PNPLA6: variants seen among roughly 807,000 people sequenced by gnomAD.
The protein encoded by PNPLA6 is patatin like domain 6, lysophospholipase, also known as patatin-like phospholipase domain-containing protein 6.
A neutral mutation model predicts 153.7 loss-of-function variants in PNPLA6; 105 were observed. The observed-to-expected ratio is 0.68, with a 90% CI of 0.58 to 0.80. PNPLA6 has a LOEUF of 0.80. Among genes scored for constraint, PNPLA6 ranks in the 30% least tolerant of loss-of-function variants. The probability of loss-of-function intolerance (pLI) is 0.00; values close to 1 mark genes in which losing one functional copy is unlikely to be tolerated. For synonymous variants in PNPLA6, 825 were observed against 822.2 expected (o/e 1.00, Z -0.06); for missense variants, 1,423 against 1,919.3 (o/e 0.74, Z 4.83).
chr19:7,555,148 C>T lies in PNPLA6; in HGVS notation c.2817+73C>T. 2 of 1,546,600 alleles carry T rather than the reference C, an allele frequency of 1.3e-6. No individual in the cohort carries two copies. The highest frequency in any genetic ancestry group is 1.7e-6 in the Non-Finnish European group (2 of 1,146,072). On this transcript the variant is annotated intron_variant, in intron 22 of 31. Coordinates refer to ENST00000600737, the MANE Select transcript of PNPLA6 (RefSeq NM_001166114.2). This position sits in a 1 kb window ranked among gnomAD's most constrained non-coding sequence, Gnocchi z 6.3. ...GAGGCTTGGGAGACTGGGGCGGGGC[C>T]TGGGAGGGCTGAGGACAGGCTCGAA...
intron 3 of PNPLA6, among the ~76,000 whole-genome samples, chr19:7,538,456 T>TA (rs1172004701): frequency 2.0e-5 from 3 of 152,192 alleles, no homozygotes; most frequent in Admixed American, 6.5e-5. Context: ...GTGCTGGTAT[T>TA]ACAGGCATGA....
At chr19:7,539,021 G>A (rs1158873460) in intron 3 of PNPLA6, among the ~76,000 whole-genome samples, 1 of 152,174 alleles carries the variant, frequency 6.6e-6, no homozygotes, top group Admixed American at 6.5e-5. Context: ...TAGGTCTGGG[G>A]TCATAGGGTT....
chr19:7,536,320 G>A (rs1179725069), intron 2 of PNPLA6, 47 bp downstream of exon 2: 6 of 1,494,770 alleles, frequency 4.0e-6, no homozygotes, highest in Non-Finnish European at 4.7e-6. Context: ...CAGAGGCCGC[G>A]CCCCTTCCCT....
intron 14 of PNPLA6, 21 bp downstream of exon 14, chr19:7,550,133 A>C: frequency 6.2e-7 from 1 of 1,613,632 alleles, no homozygotes; most frequent in Non-Finnish European, 8.5e-7. Context: ...CCGAAGTTGG[A>C]GTGTGGGTGG....
rs910578335 is a variant in PNPLA6 at position 7,549,748 on chromosome 19, A to G, written c.1609-159A>G. On this transcript the variant is annotated intron_variant, in intron 13 of 31. Transcript: ENST00000600737. ...GTGATCCCCCCTGCCTGGCCTCCCA[A>G]AGCGCTGGGATTACAGCCGTGAGCC... is the stretch of plus-strand genomic sequence containing the variant. The G allele has an allele frequency of 1.4e-6, 1 of 718,202 alleles. No individual in the cohort carries two copies. Among genetic ancestry groups the G allele is most frequent in the African/African-American group, 1.7e-5 (1 of 57,368 alleles). The allele number at this position is 718,202 out of a possible 1,614,324, so 44.5% of individuals were successfully genotyped here.
chr19:7,560,473 A>G lies in PNPLA6; in HGVS notation c.3700-175A>G, dbSNP rs559654406. On this transcript the variant is annotated intron_variant, in intron 28 of 31. Coordinates refer to ENST00000600737, the MANE Select transcript of PNPLA6 (RefSeq NM_001166114.2). ...TTGATTGGTAATGTCTGTCAAGGGC[A>G]GGACAGGGGATGTGTAGGCGAGTGT... 1.6e-3 allele frequency: 1,082 copies of G among 676,672 alleles called. 5 individuals carry two copies. The highest frequency in any genetic ancestry group is 6.1e-3 in the South Asian group (386 of 63,326). 41.9% of individuals were successfully genotyped at this position (676,672 alleles called of 1,614,324 possible).
At chr19:7,546,354 C>T (rs2023386460) in intron 13 of PNPLA6, among the ~76,000 whole-genome samples, 1 of 152,142 alleles carries the variant, frequency 6.6e-6, no homozygotes, top group Non-Finnish European at 1.5e-5. Flanking sequence ...TTAGGCTGGG[C>T]ACAGTGGCTC....
At chr19:7,545,701 C>T (rs976932120) in intron 13 of PNPLA6, among the ~76,000 whole-genome samples, 1 of 152,016 alleles carries the variant, frequency 6.6e-6, no homozygotes, top group African/African-American at 2.4e-5. Flanking sequence ...CACTTGAGGT[C>T]AGGAGTTCGA....
intron 13 of PNPLA6, among the ~76,000 whole-genome samples, chr19:7,545,119 C>T (rs1221271601): frequency 3.9e-5 from 6 of 152,018 alleles, no homozygotes; most frequent in African/African-American, 1.4e-4. Context: ...CTCTGCCTCC[C>T]GGATTCAAGT....
chr19:7,551,875 G>A (rs1219298358), intron 18 of PNPLA6, among the ~76,000 whole-genome samples: 1 of 152,100 alleles, frequency 6.6e-6, no homozygotes, highest in Non-Finnish European at 1.5e-5. Flanking sequence ...TGAGGCAGGA[G>A]GATCGCTTGA....
At chr19:7,545,303 A>G (rs1234349781) in intron 13 of PNPLA6, among the ~76,000 whole-genome samples, 1 of 152,106 alleles carries the variant, frequency 6.6e-6, no homozygotes, top group Non-Finnish European at 1.5e-5. Context: ...CTGGGATTAC[A>G]GGCGTGATCC....
At chr19:7,559,177 C>T (rs1277010760) in intron 28 of PNPLA6, 26 bp downstream of exon 28, 1 of 1,603,732 alleles carries the variant, frequency 6.2e-7, no homozygotes, top group African/African-American at 1.3e-5. Context: ...TGGCATGGTG[C>T]CTGCATAGGT....
chr19:7,541,969 ATG>A lies in PNPLA6; in HGVS notation c.1169-11_1169-10del. 3 of 1,603,822 alleles carry A rather than the reference ATG, an allele frequency of 1.9e-6. No homozygotes were observed. Among genetic ancestry groups the A allele is most frequent in the Non-Finnish European group, 1.7e-6 (2 of 1,176,162 alleles). On this transcript the variant is annotated splice_polypyrimidine_tract_variant and intron_variant, in intron 9 of 31. Coordinates refer to ENST00000600737, the MANE Select transcript of PNPLA6 (RefSeq NM_001166114.2). This position sits in a 1 kb window ranked among gnomAD's most constrained non-coding sequence, Gnocchi z 5.2. ...GGCTCTGAGGGGCAGGAGCCTGAACATGTGTCTCCCCCAGGGGACCCTGTGAA... is the reference window on the plus strand; with the variant it reads ...GGCTCTGAGGGGCAGGAGCCTGAACATGTCTCCCCCAGGGGACCCTGTGAA...
chr19:7,541,796 A>G lies in PNPLA6; in HGVS notation c.1168+112A>G, dbSNP rs1047937193. 4.5e-5 allele frequency: 58 copies of G among 1,281,900 alleles called. No homozygotes were observed. The highest frequency in any genetic ancestry group is 6.0e-5 in the Non-Finnish European group (55 of 915,638). The allele number at this position is 1,281,900 out of a possible 1,614,324, so 79.4% of individuals were successfully genotyped here. On this transcript the variant is annotated intron_variant, in intron 9 of 31. Transcript: ENST00000600737. The surrounding 1 kb of genome is among the most constrained non-coding windows in gnomAD (Gnocchi z 5.2). ...TCAACCTGACCTTGTCCAGCCCCAC[A>G]GGGACTCCATAGCGGGGTACCCAGG...
chr19:7,542,654 T>C lies in PNPLA6; in HGVS notation c.1346T>C (p.Leu449Pro), dbSNP rs1430915125. The change falls in exon 11 of 32, where the codon CTG (leucine) becomes CCG (proline). Residue 449 changes from leucine to proline, a missense_variant. Leu to Pro is a moderately conservative substitution (Grantham distance 98). Around this residue, in one of 10 missense-constraint regions of PNPLA6, gnomAD observed 267 missense variants for 255.1 expected, o/e 1.05. Coordinates refer to ENST00000600737, the MANE Select transcript of PNPLA6 (RefSeq NM_001166114.2). ...CAGGAAGAGGCCTCCGGGGGGTCCC[T>C]GGCAGCCCCCGCTCGGGTAAGGCTT... ...SLQEEASGGS[L>P]AAPARTPTQE... The C allele has an allele frequency of 1.9e-6, 3 of 1,612,872 alleles. No homozygotes were observed. Among genetic ancestry groups the C allele is most frequent in the East Asian group, 2.2e-5 (1 of 44,880 alleles).
chr19:7,553,182 G>A (rs1302710636), intron 18 of PNPLA6, among the ~76,000 whole-genome samples: 1 of 152,124 alleles, frequency 6.6e-6, no homozygotes, highest in East Asian at 1.9e-4. Context: ...AGCTGGTCTA[G>A]GCTGTTAGTG....
In PNPLA6 at chr19:7,554,980, A is replaced by C. The variant is rs1350960604; in HGVS notation, c.2722A>C (p.Thr908Pro). ...AGAGGAGGGCGCGGGCCCCACGCGC[A>C]CCGTGGAGTGGCTAAATATGCGCAG... ...HREEGAGPTR[T>P]VEWLNMRSWC... Residue 908 changes from threonine to proline, a missense_variant, in exon 22 of 32, where the codon ACC (threonine) becomes CCC (proline). This residue lies in a region of PNPLA6 where 643 missense variants were observed against 835.2 expected (regional missense o/e 0.77). Transcript: ENST00000600737. The C allele has an allele frequency of 1.3e-6, 2 of 1,593,422 alleles. No homozygotes were observed. Among genetic ancestry groups the C allele is most frequent in the Non-Finnish European group, 1.7e-6 (2 of 1,177,274 alleles).
In PNPLA6 at chr19:7,549,958, A is replaced by G; in HGVS notation, c.1660A>G (p.Met554Val). 1 of 1,613,844 alleles carries G rather than the reference A, an allele frequency of 6.2e-7. No homozygotes were observed. Among genetic ancestry groups the G allele is most frequent in the Non-Finnish European group, 8.5e-7 (1 of 1,180,032 alleles). ...GGGCTGCCTGCACGTGTACCAGCGC[A>G]TGATCGACAAGGCGGAGGACGTGTG... ...LWGCLHVYQR[M>V]IDKAEDVCLF... Residue 554 changes from methionine to valine, a missense_variant, in exon 14 of 32, where the codon ATG becomes GTG. Physicochemically the swap from Met to Val is conservative, Grantham distance 21 (BLOSUM62 1). Coordinates refer to ENST00000600737, the MANE Select transcript of PNPLA6 (RefSeq NM_001166114.2).
intron 10 of PNPLA6, 92 bp downstream of exon 10, chr19:7,542,159 G>A (rs932735539): frequency 2.7e-5 from 27 of 991,894 alleles, no homozygotes; most frequent in South Asian, 2.1e-4. Flanking sequence ...TTTAATCTGC[G>A]AAATGGGAAC....
Sources: allele counts gnomAD v4.1 joint callset (sites outside exome capture counted in the v4.1 genomes callset), GRCh38; gene constraint gnomAD v4.1.1; regional missense constraint gnomAD v4.1.1; non-coding constraint Gnocchi (gnomAD v3.1); transcripts MANE v1.5; gene names NCBI Gene and HGNC (gene_info 2026-07-23, HGNC 2026-07-21).